The following DOCK3 variants were observed in gnomAD, a reference collection of about 807,000 sequenced individuals.
DOCK3 encodes the protein dedicator of cytokinesis 3.
DOCK3 carries 60 observed loss-of-function variants against 265.6 expected under a neutral mutation model. The ratio of observed to expected loss-of-function variants is 0.23; its 90% confidence interval spans 0.18 to 0.28. The LOEUF is 0.28. DOCK3 is among the 10% of genes least tolerant of loss of function. The pLI is 1.00. For missense variants in DOCK3, 1,981 were observed against 2,594.3 expected, an observed-to-expected ratio of 0.76 and a Z score of 5.14; for synonymous variants, 881 against 938.0, an observed-to-expected ratio of 0.94 and a Z score of 1.11.
chr3:51,236,174 A>T (rs948751117), intron 19 of DOCK3, among the ~76,000 whole-genome samples, 171 bp from the exon 20 acceptor site: 12 of 152,306 alleles, frequency 7.9e-5, no homozygotes, highest in African/African-American at 2.9e-4. Flanking sequence ...GCACCTAGTT[A>T]TCACTTAGCT....
chr3:50,860,472 A>G (rs1429615787), intron 3 of DOCK3, among the ~76,000 whole-genome samples: 1 of 152,148 alleles, frequency 6.6e-6, no homozygotes, highest in Non-Finnish European at 1.5e-5. Flanking sequence ...CACTTTTCCA[A>G]AGGGCTGCTA....
At chr3:50,807,553 C>T (rs539829752) in intron 2 of DOCK3, among the ~76,000 whole-genome samples, 3 of 152,142 alleles carry the variant, frequency 2.0e-5, no homozygotes, top group East Asian at 1.9e-4. Context: ...ACAGCACCTG[C>T]TATCACCACA....
intron 1 of DOCK3, among the ~76,000 whole-genome samples, chr3:50,703,918 A>G (rs192741197): frequency 8.9e-4 from 135 of 151,872 alleles, no homozygotes; most frequent in Admixed American, 1.8e-3. Flanking sequence ...GTTTATTTCT[A>G]TAAACTTTTT....
chr3:50,965,087 C>T (rs114806331), intron 5 of DOCK3, among the ~76,000 whole-genome samples: 1 of 152,102 alleles, frequency 6.6e-6, no homozygotes, highest in African/African-American at 2.4e-5. Flanking sequence ...CAGAAGGAAT[C>T]AATAAAAGTA....
At chr3:50,867,310 A>G (rs184239264) in intron 3 of DOCK3, among the ~76,000 whole-genome samples, 20 of 152,216 alleles carry the variant, frequency 1.3e-4, no homozygotes, top group Non-Finnish European at 2.6e-4. Context: ...ATCAGTTCTA[A>G]AAGGTTTTTT....
At chr3:51,295,703 A>G (rs1257563681) in intron 27 of DOCK3, among the ~76,000 whole-genome samples, 2 of 152,042 alleles carry the variant, frequency 1.3e-5, no homozygotes, top group East Asian at 1.9e-4. Context: ...TCCTAAGATC[A>G]GGAACAAGGG....
intron 4 of DOCK3, among the ~76,000 whole-genome samples, chr3:50,923,438 A>G (rs1475040606): frequency 6.6e-6 from 1 of 152,222 alleles, no homozygotes; most frequent in Non-Finnish European, 1.5e-5. Flanking sequence ...GCTGCATTCC[A>G]CAATATTTAA....
intron 23 of DOCK3, 75 bp from the exon 24 acceptor site, chr3:51,270,740 G>A: frequency 1.4e-6 from 2 of 1,456,466 alleles, no homozygotes; most frequent in East Asian, 4.8e-5. Context: ...TCACCACCTT[G>A]TATCATTGTC....
At chr3:51,037,336 G>A (rs1575839131) in intron 5 of DOCK3, among the ~76,000 whole-genome samples, 1 of 151,938 alleles carries the variant, frequency 6.6e-6, no homozygotes, top group African/African-American at 2.4e-5. Context: ...TGGGGAACAG[G>A]TGGTATTTGG....
chr3:50,725,760 A>C (rs946617422), intron 1 of DOCK3, among the ~76,000 whole-genome samples: 2 of 152,118 alleles, frequency 1.3e-5, no homozygotes, highest in African/African-American at 4.8e-5. Context: ...GTGGTTGTAC[A>C]TTTTGACCTG....
At chr3:51,298,492 G>A (rs2082217182) in intron 27 of DOCK3, among the ~76,000 whole-genome samples, 1 of 152,106 alleles carries the variant, frequency 6.6e-6, no homozygotes, top group African/African-American at 2.4e-5. Flanking sequence ...GTGGTTTCCT[G>A]CACCTATCAA....
At position 51,195,561 on chromosome 3, in the gene DOCK3, C is replaced by T. The variant is rs547196871; in HGVS notation, c.1038-13213C>T. The stretch of plus-strand genomic sequence containing the variant: ...TCCCAAGTAGCTGAGATTACAGATG[C>T]GTGCCATCACGCTCAGCTAATTTTT... On this transcript the variant is annotated intron_variant, in intron 12 of 52. Transcript: ENST00000266037. Among the ~76,000 whole-genome samples, 28 of 151,998 alleles carry T rather than the reference C, an allele frequency of 1.8e-4. 1 individual carries two copies. The South Asian group carries it at 5.4e-3, about 29-fold the overall frequency.
At chr3:50,993,129 G>T (rs2078168566) in intron 5 of DOCK3, among the ~76,000 whole-genome samples, 1 of 152,128 alleles carries the variant, frequency 6.6e-6, no homozygotes, top group Admixed American at 6.5e-5. Flanking sequence ...CCTATCTCTG[G>T]ATTGTAGCCA....
At chr3:50,722,796 G>C (rs1019652261) in intron 1 of DOCK3, among the ~76,000 whole-genome samples, 2 of 135,998 alleles carry the variant, frequency 1.5e-5, no homozygotes, top group Non-Finnish European at 3.1e-5. Flanking sequence ...TCTTGAGACA[G>C]GGTCTGGCTG....
chr3:51,248,748 G>C (rs1477729073), intron 22 of DOCK3, among the ~76,000 whole-genome samples: 3 of 151,048 alleles, frequency 2.0e-5, no homozygotes, highest in African/African-American at 2.4e-5. Context: ...AGGAAGTGAG[G>C]AGCGCCTCTT....
At chr3:51,041,167 TATATATATATA>T (rs2080471162) in intron 5 of DOCK3, among the ~76,000 whole-genome samples, 1 of 9,504 alleles carries the variant, frequency 1.1e-4, no homozygotes, top group African/African-American at 2.7e-4. Context: ...AAAATGTATA[TATATATATATA>T]TATATATATA....
intron 12 of DOCK3, among the ~76,000 whole-genome samples, chr3:51,201,856 G>A (rs964384258): frequency 1.1e-4 from 16 of 152,182 alleles, no homozygotes; most frequent in Non-Finnish European, 2.2e-4. Flanking sequence ...CTAGAACTCA[G>A]GATTAAGAAA....
At chr3:50,751,098 G>A (rs2039771771) in intron 1 of DOCK3, among the ~76,000 whole-genome samples, 1 of 152,068 alleles carries the variant, frequency 6.6e-6, no homozygotes, top group African/African-American at 2.4e-5. Flanking sequence ...ATAAGAAAAA[G>A]GGCATAAGTA....
chr3:50,698,017 G>A (rs1166782595), intron 1 of DOCK3, among the ~76,000 whole-genome samples: 1 of 152,016 alleles, frequency 6.6e-6, no homozygotes, highest in Non-Finnish European at 1.5e-5. Flanking sequence ...AATAGCAGGG[G>A]TGTCGAGGTA....
Sources: gnomAD v4.1 joint callset for allele counts (sites outside exome capture counted in the v4.1 genomes callset) on GRCh38, gnomAD v4.1.1 for gene constraint, MANE v1.5 for transcripts, NCBI Gene and HGNC (gene_info 2026-07-23, HGNC 2026-07-21) for gene names.